PROB1: variants seen among roughly 807,000 people sequenced by gnomAD.
PROB1 encodes the protein proline rich basic protein 1.
For synonymous variants in PROB1, 660 were observed against 699.3 expected, an observed-to-expected ratio of 0.94 and a Z score of 0.89; for missense variants, 1,453 against 1,485.7, an observed-to-expected ratio of 0.98 and a Z score of 0.36.
chr5:139,393,071 G>A lies in PROB1; in HGVS notation c.2011C>T (p.Leu671=). 1.3e-6 allele frequency: 2 copies of A among 1,529,658 alleles called. No homozygotes were observed. Among genetic ancestry groups the A allele is most frequent in the Non-Finnish European group, 1.8e-6 (2 of 1,137,620 alleles). 94.8% of individuals were successfully genotyped at this position (1,529,658 alleles called of 1,614,324 possible). A position where few individuals can be genotyped will look rare whatever the true frequency, so the allele number is the denominator to read the frequency against. ...GESKTQEPPA[L]GPPAPAHYTS... is the part of the protein sequence containing the mutation. Reference sequence around the variant, plus strand: ...TAGTGAGCCGGGGCGGGGGGCCCCAGTGCTGGCGGCTCTTGCGTCTTGGAT... The same window carrying A: ...TAGTGAGCCGGGGCGGGGGGCCCCAATGCTGGCGGCTCTTGCGTCTTGGAT... The change falls in exon 1 of 1, where the codon CTG becomes TTG. Residue 671 remains leucine, a synonymous_variant. Coordinates refer to ENST00000434752, the MANE Select transcript of PROB1 (RefSeq NM_001161546.2).
Position 139,394,971 on chromosome 5 carries a change from A to G in PROB1, c.111T>C (p.Ala37=). ...SSGSSGSYYT[A]PGSPEPPDVG... ...CGTCCGGGGGCTCCGGAGAACCTGGAGCCGTGTAGTAGGAGCCTGACGAAC... is the reference window on the plus strand; with the variant it reads ...CGTCCGGGGGCTCCGGAGAACCTGGGGCCGTGTAGTAGGAGCCTGACGAAC... The change falls in exon 1 of 1, where the codon GCT becomes GCC. Residue 37 remains alanine, a synonymous_variant. Transcript: ENST00000434752. The G allele has an allele frequency of 6.6e-7, 1 of 1,519,964 alleles. No homozygotes were observed. Among genetic ancestry groups the G allele is most frequent in the African/African-American group, 1.4e-5 (1 of 69,162 alleles). The allele number at this position is 1,519,964 out of a possible 1,614,324, so 94.2% of individuals were successfully genotyped here.
In PROB1 at chr5:139,394,711, G is replaced by C; in HGVS notation, c.371C>G (p.Ser124Cys). 6.5e-7 allele frequency: 1 copy of C among 1,533,050 alleles called. No homozygotes were observed. Among genetic ancestry groups the C allele is most frequent in the Non-Finnish European group, 8.7e-7 (1 of 1,144,566 alleles). The allele number at this position is 1,533,050 out of a possible 1,614,324, so 95.0% of individuals were successfully genotyped here. A position where few individuals can be genotyped will look rare whatever the true frequency, so the allele number is the denominator to read the frequency against. ...IFGVGPLFGC[S>C]GADDREAQQQ... ...TTGCGCCTCGCGATCGTCTGCGCCG[G>C]AGCAGCCGAACAGGGGTCCGACGCC... Residue 124 changes from serine to cysteine, a missense_variant, in exon 1 of 1, where the codon TCC becomes TGC. By Grantham distance (112) the Ser-to-Cys change is moderately radical. Coordinates refer to ENST00000434752, the MANE Select transcript of PROB1 (RefSeq NM_001161546.2).
Position 139,393,056 on chromosome 5 carries a change from G to GC in PROB1, c.2025_2026insG (p.Pro676AlafsTer24). On this transcript the variant is annotated frameshift_variant, in exon 1 of 1. Coordinates refer to ENST00000434752, the MANE Select transcript of PROB1 (RefSeq NM_001161546.2). LOFTEE classifies it low-confidence loss of function (END_TRUNC). The stretch of plus-strand genomic sequence containing the variant: ...ATGAAAACGGAAGTGTAGTGAGCCG[G>GC]GGCGGGGGGCCCCAGTGCTGGCGGC... 6 of 1,532,036 alleles carry GC rather than the reference G, an allele frequency of 3.9e-6. No individual in the cohort carries two copies. Among genetic ancestry groups the GC allele is most frequent in the Non-Finnish European group, 5.3e-6 (6 of 1,138,272 alleles). The allele number at this position is 1,532,036 out of a possible 1,614,324, so 94.9% of individuals were successfully genotyped here. A position where few individuals can be genotyped will look rare whatever the true frequency, so the allele number is the denominator to read the frequency against.
Position 139,393,463 on chromosome 5 carries a change from C to T in PROB1, c.1619G>A (p.Gly540Glu). ...CGGTGCCAACTCCTCCTGAGTTAAC[C>T]CATTCTGAGCTTCCTGAGTAAATGC... The part of the protein sequence containing the change: ...SIAFTQEAQN[G>E]LTQEELAPPT... The change falls in exon 1 of 1, where the codon GGG (glycine) becomes GAG (glutamate). Residue 540 changes from glycine (G) to glutamate (E), a missense_variant. Transcript: ENST00000434752. 6.4e-7 allele frequency: 1 copy of T among 1,551,668 alleles called. No homozygotes were observed. The highest frequency in any genetic ancestry group is 8.7e-7 in the Non-Finnish European group (1 of 1,146,994).
Position 139,393,112 on chromosome 5 carries a change from C to A in PROB1, c.1970G>T (p.Gly657Val). The A allele has an allele frequency of 1.3e-6, 2 of 1,527,692 alleles. No individual in the cohort carries two copies. The highest frequency in any genetic ancestry group is 1.4e-5 in the African/African-American group (1 of 72,414). 94.6% of individuals were successfully genotyped at this position (1,527,692 alleles called of 1,614,324 possible). Residue 657 changes from glycine (G) to valine (V), a missense_variant, in exon 1 of 1, where the codon GGG (glycine) becomes GTG (valine). By Grantham distance (109) the Gly-to-Val change is moderately radical. Coordinates refer to ENST00000434752, the MANE Select transcript of PROB1 (RefSeq NM_001161546.2). ...GLPAPPADPC[G>V]EEGGESKTQE... is the part of the protein sequence containing the mutation. ...CGTCTTGGATTCGCCGCCCTCCTCC[C>A]CGCAGGGGTCGGCAGGAGGCGCAGG...
rs1339027467 is a variant in PROB1, at chr5:139,393,940, G to A, written c.1142C>T (p.Ser381Leu). 6.4e-7 allele frequency: 1 copy of A among 1,550,846 alleles called. No homozygotes were observed. Among genetic ancestry groups the A allele is most frequent in the Admixed American group, 2.0e-5 (1 of 51,014 alleles). The change falls in exon 1 of 1, where the codon TCG becomes TTG. Residue 381 changes from serine (S) to leucine (L), a missense_variant. Coordinates refer to ENST00000434752, the MANE Select transcript of PROB1 (RefSeq NM_001161546.2). Reference protein sequence around the residue: ...RSPPFECRIPSEVPSRAVRPR... With the variant: ...RSPPFECRIPLEVPSRAVRPR... The stretch of plus-strand genomic sequence containing the variant: ...CCTCACAGCCCTACTCGGAACCTCC[G>A]AGGGGATCCTACACTCAAAAGGCGG...
In PROB1 at chr5:139,391,848, C is replaced by G. The variant is rs1432801387; in HGVS notation, c.*186G>C. 1 of 466,586 alleles carries G rather than the reference C, an allele frequency of 2.1e-6. No individual in the cohort carries two copies. The highest frequency in any genetic ancestry group is 2.0e-5 in the African/African-American group (1 of 49,688). The allele number at this position is 466,586 out of a possible 1,614,324, so 28.9% of individuals were successfully genotyped here. ...TGGGGGAGGAAGTAGGCAGCCACTT[C>G]CTGGGTGACTCCAGCTCCACCAGCC... On this transcript the variant is annotated 3_prime_UTR_variant, in exon 1 of 1. Transcript: ENST00000434752. The surrounding 1 kb of genome is among the most constrained non-coding windows in gnomAD (Gnocchi z 4.8).
Position 139,392,568 on chromosome 5 carries a change from C to T in PROB1, c.2514G>A (p.Glu838=). 1 of 1,353,664 alleles carries T rather than the reference C, an allele frequency of 7.4e-7. No individual in the cohort carries two copies. Among genetic ancestry groups the T allele is most frequent in the Non-Finnish European group, 9.5e-7 (1 of 1,057,962 alleles). 83.9% of individuals were successfully genotyped at this position (1,353,664 alleles called of 1,614,324 possible). A position where few individuals can be genotyped will look rare whatever the true frequency, so the allele number is the denominator to read the frequency against. ...AAAVQAPLPR[E]PLALAGRTAP... is the part of the protein sequence containing the mutation. ...CCGTCCTGCCCGCCAACGCCAGGGG[C>T]TCCCGCGGGAGTGGCGCCTGGACGG... Residue 838 remains glutamate, a synonymous_variant, in exon 1 of 1, where the codon GAG becomes GAA. Transcript: ENST00000434752. The surrounding 1 kb of genome is among the most constrained non-coding windows in gnomAD (Gnocchi z 5.8).
Position 139,394,830 on chromosome 5 carries a change from G to C in PROB1, c.252C>G (p.Pro84=). The C allele has an allele frequency of 6.5e-7, 1 of 1,530,986 alleles. No individual in the cohort carries two copies. The highest frequency in any genetic ancestry group is 2.6e-5 in the East Asian group (1 of 38,990). 94.8% of individuals were successfully genotyped at this position (1,530,986 alleles called of 1,614,324 possible). ...SAQNSRQRHG[P]GSGFPRGPGS... ...CTGGGCCTCGCGGGAAACCCGAGCC[G>C]GGCCCGTGCCGCTGGCGGCTATTCT... Residue 84 remains proline, a synonymous_variant, in exon 1 of 1, where the codon CCC becomes CCG. Transcript: ENST00000434752.
At position 139,394,238 on chromosome 5, in the gene PROB1, G is replaced by T; in HGVS notation, c.844C>A (p.Arg282=). The T allele has an allele frequency of 6.5e-7, 1 of 1,548,468 alleles. No individual in the cohort carries two copies. The highest frequency in any genetic ancestry group is 1.2e-5 in the South Asian group (1 of 83,934). ...GSTGRSEPET[R]ETARSTHVVL... ...ACGTGGGTGCTGCGGGCCGTTTCCCGGGTCTCAGGTTCCGACCGCCCCGTG... is the reference window on the plus strand; with the variant it reads ...ACGTGGGTGCTGCGGGCCGTTTCCCTGGTCTCAGGTTCCGACCGCCCCGTG... Residue 282 remains arginine, a synonymous_variant, in exon 1 of 1, where the codon CGG becomes AGG. Coordinates refer to ENST00000434752, the MANE Select transcript of PROB1 (RefSeq NM_001161546.2).
Position 139,392,611 on chromosome 5 carries a change from G to A in PROB1, c.2471C>T (p.Ala824Val). 17 of 1,376,876 alleles carry A rather than the reference G, an allele frequency of 1.2e-5. No individual in the cohort carries two copies. Among genetic ancestry groups the A allele is most frequent in the Non-Finnish European group, 1.5e-5 (16 of 1,068,764 alleles). 85.3% of individuals were successfully genotyped at this position (1,376,876 alleles called of 1,614,324 possible). A position where few individuals can be genotyped will look rare whatever the true frequency, so the allele number is the denominator to read the frequency against. The stretch of plus-strand genomic sequence containing the variant: ...CTGGACGGCAGCCGCGGGCTCGGGG[G>A]CCGTAGGTGGTGTCTTCGGTTTGGG... ...IAPKPKTPPT[A>V]PEPAAAVQAP... The change falls in exon 1 of 1, where the codon GCC becomes GTC. Residue 824 changes from alanine (A) to valine (V), a missense_variant. Physicochemically the swap from Ala to Val is moderately conservative, Grantham distance 64. Transcript: ENST00000434752. This position sits in a 1 kb window ranked among gnomAD's most constrained non-coding sequence, Gnocchi z 5.8.
Position 139,394,226 on chromosome 5 carries a change from G to A in PROB1, c.856C>T (p.Arg286Cys), listed in dbSNP as rs1322528743. 9.0e-6 allele frequency: 14 copies of A among 1,548,670 alleles called. No homozygotes were observed. Among genetic ancestry groups the A allele is most frequent in the Admixed American group, 2.0e-5 (1 of 50,838 alleles). Reference sequence around the variant, plus strand: ...TTCTCCAGGACCACGTGGGTGCTGCGGGCCGTTTCCCGGGTCTCAGGTTCC... The same window carrying A: ...TTCTCCAGGACCACGTGGGTGCTGCAGGCCGTTTCCCGGGTCTCAGGTTCC... ...RSEPETRETA[R>C]STHVVLEKAK... The change falls in exon 1 of 1, where the codon CGC becomes TGC. Residue 286 changes from arginine to cysteine, a missense_variant. Transcript: ENST00000434752.
chr5:139,392,426 G>C lies in PROB1; in HGVS notation c.2656C>G (p.Pro886Ala). Reference sequence around the variant, plus strand: ...ACAAAGTAGTAGCGGCCGCTCTCGGGGTCCACCAAGACCTTCCCCAGGGGC... The same window carrying C: ...ACAAAGTAGTAGCGGCCGCTCTCGGCGTCCACCAAGACCTTCCCCAGGGGC... ...AAPLGKVLVD[P>A]ESGRYYFVEA... Residue 886 changes from proline (P) to alanine (A), a missense_variant, in exon 1 of 1, where the codon CCC becomes GCC. Physicochemically the swap from Pro to Ala is conservative, Grantham distance 27 (BLOSUM62 -1). Coordinates refer to ENST00000434752, the MANE Select transcript of PROB1 (RefSeq NM_001161546.2). The surrounding 1 kb of genome is among the most constrained non-coding windows in gnomAD (Gnocchi z 5.8). 1 of 1,491,818 alleles carries C rather than the reference G, an allele frequency of 6.7e-7. No individual in the cohort carries two copies. Among genetic ancestry groups the C allele is most frequent in the Non-Finnish European group, 8.9e-7 (1 of 1,123,352 alleles). 92.4% of individuals were successfully genotyped at this position (1,491,818 alleles called of 1,614,324 possible). A position where few individuals can be genotyped will look rare whatever the true frequency, so the allele number is the denominator to read the frequency against.
chr5:139,390,971 C>T lies in PROB1; in HGVS notation c.*1063G>A, dbSNP rs1017886096. ...CACCTCCCACCTCATGCAGACCCCC[C>T]TCATCTCCCTCAGAGGCTCCTGGAA... On this transcript the variant is annotated 3_prime_UTR_variant, in exon 1 of 1. Transcript: ENST00000434752. The T allele has an allele frequency of 5.2e-5, 8 of 152,482 alleles. No individual in the cohort carries two copies. The highest frequency in any genetic ancestry group is 1.4e-4 in the African/African-American group (6 of 41,456). The allele number at this position is 152,482 out of a possible 1,614,324, so 9.4% of individuals were successfully genotyped here.
Position 139,391,347 on chromosome 5 carries a change from C to T in PROB1, c.*687G>A, listed in dbSNP as rs956062296. 9.8e-5 allele frequency: 15 copies of T among 152,320 alleles called. No homozygotes were observed. Among genetic ancestry groups the T allele is most frequent in the African/African-American group, 3.6e-4 (15 of 41,422 alleles). 9.4% of individuals were successfully genotyped at this position (152,320 alleles called of 1,614,324 possible). A position where few individuals can be genotyped will look rare whatever the true frequency, so the allele number is the denominator to read the frequency against. On this transcript the variant is annotated 3_prime_UTR_variant, in exon 1 of 1. Coordinates refer to ENST00000434752, the MANE Select transcript of PROB1 (RefSeq NM_001161546.2). The surrounding 1 kb of genome is among the most constrained non-coding windows in gnomAD (Gnocchi z 4.8). The stretch of plus-strand genomic sequence containing the variant: ...TCAGCTCAGCTCTGAGGGCCAGGCT[C>T]CCCATCTTCCCACCCCAAGTTCCAG...
Position 139,393,232 on chromosome 5 carries a change from G to C in PROB1, c.1850C>G (p.Pro617Arg). ...LGPGEAASGRPRMAIPRPRDV... is the reference protein window; with the variant it reads ...LGPGEAASGRRRMAIPRPRDV... ...TCGAGGCCGCGGAATGGCCATGCGC[G>C]GGCGTCCCGAGGCCGCCTCTCCAGG... is the stretch of plus-strand genomic sequence containing the variant. The change falls in exon 1 of 1, where the codon CCG becomes CGG. Residue 617 changes from proline (P) to arginine (R), a missense_variant. Physicochemically the swap from Pro to Arg is moderately radical, Grantham distance 103. Coordinates refer to ENST00000434752, the MANE Select transcript of PROB1 (RefSeq NM_001161546.2). 9 of 1,549,130 alleles carry C rather than the reference G, an allele frequency of 5.8e-6. 1 individual carries two copies. In the South Asian group the frequency reaches 7.1e-5, roughly 12 times the overall value.
chr5:139,392,437 A>T lies in PROB1; in HGVS notation c.2645T>A (p.Val882Asp). Residue 882 changes from valine (V) to aspartate (D), a missense_variant, in exon 1 of 1, where the codon GTC becomes GAC. Val to Asp is a radical substitution (Grantham distance 152). Transcript: ENST00000434752. The surrounding 1 kb of genome is among the most constrained non-coding windows in gnomAD (Gnocchi z 5.8). ...RQPGAAPLGK[V>D]LVDPESGRYY... Reference sequence around the variant, plus strand: ...GCGGCCGCTCTCGGGGTCCACCAAGACCTTCCCCAGGGGCGCGGCCCCGGG... The same window carrying T: ...GCGGCCGCTCTCGGGGTCCACCAAGTCCTTCCCCAGGGGCGCGGCCCCGGG... 2 of 1,457,148 alleles carry T rather than the reference A, an allele frequency of 1.4e-6. No homozygotes were observed. The highest frequency in any genetic ancestry group is 1.8e-6 in the Non-Finnish European group (2 of 1,105,572). 90.3% of individuals were successfully genotyped at this position (1,457,148 alleles called of 1,614,324 possible). A position where few individuals can be genotyped will look rare whatever the true frequency, so the allele number is the denominator to read the frequency against.
rs1758667523 is a variant in PROB1, at chr5:139,394,832, G to T, written c.250C>A (p.Pro84Thr). 3 of 1,531,118 alleles carry T rather than the reference G, an allele frequency of 2.0e-6. No individual in the cohort carries two copies. The highest frequency in any genetic ancestry group is 1.7e-4 in the Middle Eastern group (1 of 5,842). The allele number at this position is 1,531,118 out of a possible 1,614,324, so 94.8% of individuals were successfully genotyped here. The change falls in exon 1 of 1, where the codon CCC becomes ACC. Residue 84 changes from proline to threonine, a missense_variant. By Grantham distance (38) the Pro-to-Thr change is conservative. Coordinates refer to ENST00000434752, the MANE Select transcript of PROB1 (RefSeq NM_001161546.2). ...SAQNSRQRHGPGSGFPRGPGS... is the reference protein window; with the variant it reads ...SAQNSRQRHGTGSGFPRGPGS... ...GGGCCTCGCGGGAAACCCGAGCCGGGCCCGTGCCGCTGGCGGCTATTCTGG... is the reference window on the plus strand; with the variant it reads ...GGGCCTCGCGGGAAACCCGAGCCGGTCCCGTGCCGCTGGCGGCTATTCTGG...
rs879360239 is a variant in PROB1 at position 139,393,165 on chromosome 5, G to A, written c.1917C>T (p.Phe639=). 6.5e-7 allele frequency: 1 copy of A among 1,548,148 alleles called. No homozygotes were observed. The highest frequency in any genetic ancestry group is 1.4e-5 in the African/African-American group (1 of 73,154). ...GCCCAGAGCCTTGTGCTCCTGCCGG[G>A]AAGCCTGGCGCGTACGTGGTCTTCA... ...KLVKTTYAPG[F]PAGAQGSGLP... is the part of the protein sequence containing the mutation. Residue 639 remains phenylalanine (F), a synonymous_variant, in exon 1 of 1, where the codon TTC becomes TTT. Coordinates refer to ENST00000434752, the MANE Select transcript of PROB1 (RefSeq NM_001161546.2).
Sources: gnomAD v4.1 joint callset for allele counts on GRCh38, gnomAD v4.1.1 for gene constraint, Gnocchi (gnomAD v3.1) non-coding constraint, MANE v1.5 for transcripts, NCBI Gene and HGNC (gene_info 2026-07-23, HGNC 2026-07-21) for gene names.